Variants in FAM228B observed in about 807,000 individuals in gnomAD.
The protein encoded by FAM228B is protein FAM228B.
A neutral mutation model predicts 42.6 loss-of-function variants in FAM228B; 38 were observed. The observed-to-expected ratio is 0.89, with a 90% confidence interval of 0.69 to 1.17. FAM228B has a LOEUF of 1.17. Ranked by LOEUF, FAM228B falls within the 50% of genes most tolerant of loss-of-function variation. FAM228B has a pLI of 0.00. For synonymous variants in FAM228B, 109 were observed against 122.3 expected (o/e 0.89, Z 0.72); for missense variants, 344 against 367.3 (o/e 0.94, Z 0.52).
intron 2 of FAM228B, among the ~76,000 whole-genome samples, chr2:24,090,142 C>CCT (rs1195824306): frequency 6.6e-6 from 1 of 151,720 alleles, no homozygotes; most frequent in Non-Finnish European, 1.5e-5. Context: ...GTGGCTGGCG[C>CCT]CTGTAGTCCC....
intron 7 of FAM228B, among the ~76,000 whole-genome samples, chr2:24,160,560 T>C (rs1052571942): frequency 6.6e-6 from 1 of 152,204 alleles, no homozygotes; most frequent in African/African-American, 2.4e-5. Context: ...TTCTTCGCTG[T>C]GTTTGATATT....
intron 1 of FAM228B, 41 bp downstream of exon 1, chr2:24,123,574 C>T (rs543844051): frequency 7.9e-5 from 12 of 152,124 alleles, no homozygotes; most frequent in African/African-American, 1.2e-4. Context: ...CGCGGGCGGG[C>T]TCCCTTCCAG....
chr2:24,091,257 C>G (rs1179097853), intron 2 of FAM228B, among the ~76,000 whole-genome samples: 1 of 152,088 alleles, frequency 6.6e-6, no homozygotes, highest in African/African-American at 2.4e-5. Context: ...CACGGTGAAA[C>G]CCCGCCTCTA....
intron 2 of FAM228B, among the ~76,000 whole-genome samples, chr2:24,087,934 A>G (rs1665298463): frequency 6.6e-6 from 1 of 152,038 alleles, no homozygotes; most frequent in Non-Finnish European, 1.5e-5. Context: ...TCACCAGCCC[A>G]GGGTTTTGCA....
upstream of FAM228B, among the ~76,000 whole-genome samples, chr2:24,120,614 G>A (rs558058540): frequency 1.3e-5 from 2 of 152,074 alleles, no homozygotes; most frequent in South Asian, 2.1e-4. Flanking sequence ...GGAGTGCAAT[G>A]GCACGATCTC....
chr2:24,100,341 A>G (rs1237523652), intron 3 of FAM228B, among the ~76,000 whole-genome samples: 3 of 152,208 alleles, frequency 2.0e-5, no homozygotes, highest in Non-Finnish European at 4.4e-5. Flanking sequence ...AACCTACAGA[A>G]TGGGAGAAAA....
intron 2 of FAM228B, among the ~76,000 whole-genome samples, chr2:24,081,590 A>G (rs2150985019): frequency 6.6e-6 from 1 of 152,254 alleles, no homozygotes; most frequent in East Asian, 1.9e-4. Context: ...AGACAGCTTG[A>G]TATTCAAGGA....
chr2:24,149,549 C>T (rs113941442), intron 7 of FAM228B, among the ~76,000 whole-genome samples: 1 of 152,148 alleles, frequency 6.6e-6, no homozygotes. Context: ...TCTCCTGTCT[C>T]AGCCTCCTGA....
chr2:24,079,690 G>T, intron 1 of FAM228B: 2 of 1,549,140 alleles, frequency 1.3e-6, no homozygotes, highest in Non-Finnish European at 1.8e-6. Flanking sequence ...TGCTAAATAA[G>T]ATACCATGGT....
intron 7 of FAM228B, among the ~76,000 whole-genome samples, chr2:24,151,736 G>A (rs1667028544): frequency 6.6e-6 from 1 of 151,408 alleles, no homozygotes. Flanking sequence ...AGGCTGCAGT[G>A]CAGTGGTGCA....
upstream of FAM228B, among the ~76,000 whole-genome samples, chr2:24,121,887 C>T (rs1666130508): frequency 1.3e-5 from 2 of 152,304 alleles, no homozygotes; most frequent in African/African-American, 4.8e-5. Flanking sequence ...CACAGATGAC[C>T]AGTCTTCCAG....
chr2:24,093,849 C>T (rs1665441808), intron 2 of FAM228B, among the ~76,000 whole-genome samples: 2 of 151,798 alleles, frequency 1.3e-5, no homozygotes, highest in African/African-American at 2.4e-5. Context: ...GAACTCCTGA[C>T]CTTGTGATCT....
chr2:24,107,787 A>C (rs1665724883), intron 3 of FAM228B, among the ~76,000 whole-genome samples: 1 of 152,194 alleles, frequency 6.6e-6, no homozygotes, highest in South Asian at 2.1e-4. Context: ...CAGTGTTAAT[A>C]GGGAAGTTTA....
upstream of FAM228B, chr2:24,121,057 C>T (rs1265533093): frequency 6.3e-6 from 9 of 1,426,386 alleles, no homozygotes; most frequent in Non-Finnish European, 8.6e-6. Context: ...TGGCTCAAGA[C>T]ATTAATGGAT....
At chr2:24,102,827 T>C (rs1665631848) in intron 3 of FAM228B, among the ~76,000 whole-genome samples, 1 of 152,230 alleles carries the variant, frequency 6.6e-6, no homozygotes, top group South Asian at 2.1e-4. Flanking sequence ...ATCTGTGACA[T>C]TCTTATTGGC....
At chr2:24,081,196 G>A (rs36058918) in intron 2 of FAM228B, among the ~76,000 whole-genome samples, 7,192 of 151,174 alleles carry the variant, frequency 0.048, 232 homozygotes, top group East Asian at 0.072. Context: ...GGGGTGGGAC[G>A]CTGTGACTCA....
At chr2:24,083,054 G>A (rs1175164798) in intron 2 of FAM228B, 1 of 1,614,158 alleles carries the variant, frequency 6.2e-7, no homozygotes, top group South Asian at 1.1e-5. Context: ...CGATCTTCCA[G>A]TGTCCCTGGC....
rs771687757 is a variant in FAM228B, at chr2:24,080,852, C to A, written c.-289-24C>A. ...AATTTCAGCGTTGCTTCAGAGAAAT[C>A]CTCTTTTTTGTAATTGAATCCAGCA... On this transcript the variant is annotated intron_variant, in intron 1 of 10. Coordinates refer to the FAM228B transcript ENST00000613899. This position sits in a 1 kb window ranked among gnomAD's most constrained non-coding sequence, Gnocchi z 4.7. 1.2e-6 allele frequency: 2 copies of A among 1,614,182 alleles called. No individual in the cohort carries two copies. Among genetic ancestry groups the A allele is most frequent in the Non-Finnish European group, 8.5e-7 (1 of 1,180,030 alleles).
At chr2:24,164,104 G>T in intron 8 of FAM228B, 94 bp from the exon 9 acceptor site, 1 of 1,145,678 alleles carries the variant, frequency 8.7e-7, no homozygotes, top group Non-Finnish European at 1.2e-6. Flanking sequence ...AATTCACATA[G>T]AACTCATCAA....
Sources: gnomAD v4.1 joint callset for allele counts (sites outside exome capture counted in the v4.1 genomes callset) on GRCh38, gnomAD v4.1.1 for gene constraint, Gnocchi (gnomAD v3.1) non-coding constraint, MANE v1.5 for transcripts, NCBI Gene and HGNC (gene_info 2026-07-23, HGNC 2026-07-21) for gene names.